PTPRD: variants seen among roughly 807,000 people sequenced by gnomAD.
PTPRD encodes receptor-type tyrosine-protein phosphatase delta.
A neutral mutation model predicts 214.5 loss-of-function variants in PTPRD; 34 were observed. The observed-to-expected ratio is 0.16, with a 90% CI of 0.12 to 0.21. PTPRD has a LOEUF of 0.21. PTPRD is among the 10% of genes least tolerant of loss of function. The pLI is 1.00. For missense variants in PTPRD, 2,545 were observed against 2,398.7 expected (o/e 1.06, Z -1.27); for synonymous variants, 1,128 against 845.7 (o/e 1.33, Z -5.79).
At chr9:9,976,596 C>T (rs1000125664) in intron 4 of PTPRD, among the ~76,000 whole-genome samples, 3 of 145,338 alleles carry the variant, frequency 2.1e-5, no homozygotes, top group Non-Finnish European at 3.0e-5. Context: ...CCATGTTAGC[C>T]AGGCTGGTCT....
intron 3 of PTPRD, among the ~76,000 whole-genome samples, chr9:10,334,092 C>T (rs757870923): frequency 1.3e-5 from 2 of 151,302 alleles, no homozygotes; most frequent in South Asian, 2.1e-4. Flanking sequence ...ATATCAATGA[C>T]CAGGTGCTGA....
intron 5 of PTPRD, among the ~76,000 whole-genome samples, chr9:9,783,017 G>A (rs1470935175): frequency 6.6e-6 from 1 of 151,878 alleles, no homozygotes; most frequent in African/African-American, 2.4e-5. Flanking sequence ...AATCATCATG[G>A]AATTTATTAT....
intron 11 of PTPRD, among the ~76,000 whole-genome samples, chr9:8,910,758 A>G (rs904886632): frequency 1.3e-5 from 2 of 152,258 alleles, no homozygotes; most frequent in Non-Finnish European, 2.9e-5. Context: ...AAATTTATCA[A>G]GATTACGTAA....
intron 5 of PTPRD, among the ~76,000 whole-genome samples, chr9:9,912,051 C>G (rs1445283696): frequency 6.6e-6 from 1 of 152,094 alleles, no homozygotes; most frequent in Admixed American, 6.6e-5. Flanking sequence ...AGTCAATAAT[C>G]TACAGCCTTG....
chr9:8,959,706 C>A (rs573811080), intron 11 of PTPRD, among the ~76,000 whole-genome samples: 4 of 152,038 alleles, frequency 2.6e-5, no homozygotes, highest in Non-Finnish European at 5.9e-5. Context: ...TTGAGTATAT[C>A]CTTTGGAAAG....
At chr9:8,817,621 C>T (rs2096948780) in intron 11 of PTPRD, among the ~76,000 whole-genome samples, 1 of 151,938 alleles carries the variant, frequency 6.6e-6, no homozygotes, top group African/African-American at 2.4e-5. Flanking sequence ...ACACAGCAAG[C>T]CCCTGTCTCT....
chr9:9,164,327 G>A (rs2099897131), intron 10 of PTPRD, among the ~76,000 whole-genome samples: 1 of 152,016 alleles, frequency 6.6e-6, no homozygotes, highest in South Asian at 2.1e-4. Flanking sequence ...TCTGACCTCT[G>A]CTTCTATTTT....
intron 3 of PTPRD, among the ~76,000 whole-genome samples, chr9:10,104,225 G>A (rs1338961460): frequency 3.3e-5 from 5 of 151,702 alleles, no homozygotes; most frequent in Non-Finnish European, 5.9e-5. Flanking sequence ...AAGACAAAAA[G>A]AGTTCTGGAG....
chr9:10,266,188 G>A (rs546835847), intron 3 of PTPRD, among the ~76,000 whole-genome samples: 37 of 151,978 alleles, frequency 2.4e-4, no homozygotes, highest in African/African-American at 7.5e-4. Context: ...AAAAGCACTA[G>A]TTAAGTGTGC....
At chr9:10,068,527 T>G (rs2097926877) in intron 3 of PTPRD, among the ~76,000 whole-genome samples, 1 of 151,950 alleles carries the variant, frequency 6.6e-6, no homozygotes, top group Non-Finnish European at 1.5e-5. Flanking sequence ...TGGGAATATG[T>G]CAGAAATAAC....
chr9:10,208,271 T>C (rs1369662025), intron 3 of PTPRD, among the ~76,000 whole-genome samples: 9 of 152,152 alleles, frequency 5.9e-5, no homozygotes, highest in South Asian at 2.1e-4. Flanking sequence ...TCCCAGCACT[T>C]TGGGTGGCCG....
At chr9:10,558,783 G>C (rs925152777) in intron 2 of PTPRD, among the ~76,000 whole-genome samples, 1 of 152,048 alleles carries the variant, frequency 6.6e-6, no homozygotes, top group Non-Finnish European at 1.5e-5. Flanking sequence ...CACTCAATGA[G>C]AATTTTGTAA....
intron 7 of PTPRD, among the ~76,000 whole-genome samples, chr9:9,651,489 G>A (rs915619424): frequency 6.6e-6 from 1 of 152,134 alleles, no homozygotes; most frequent in Admixed American, 6.6e-5. Context: ...GCGAGAACAT[G>A]TGGTATTTGG....
At chr9:8,484,013 A>T (rs930714594) in intron 30 of PTPRD, 106 bp downstream of exon 30, 10 of 1,388,476 alleles carry the variant, frequency 7.2e-6, no homozygotes, top group Admixed American at 4.5e-5. Flanking sequence ...AGAATCTTTC[A>T]CTACATTAAG....
At chr9:9,087,600 T>C (rs1392811662) in intron 10 of PTPRD, among the ~76,000 whole-genome samples, 2 of 152,112 alleles carry the variant, frequency 1.3e-5, no homozygotes, top group African/African-American at 4.8e-5. Context: ...CCAGATAAGT[T>C]ACTTACATTG....
At chr9:9,466,901 G>A (rs2094201962) in intron 8 of PTPRD, among the ~76,000 whole-genome samples, 1 of 152,018 alleles carries the variant, frequency 6.6e-6, no homozygotes, top group Non-Finnish European at 1.5e-5. Flanking sequence ...GTAAGTTTGA[G>A]TTAGCTTGTC....
At chr9:8,857,438 C>T (rs997992821) in intron 11 of PTPRD, among the ~76,000 whole-genome samples, 1 of 152,148 alleles carries the variant, frequency 6.6e-6, no homozygotes, top group African/African-American at 2.4e-5. Flanking sequence ...GAAGTGAACC[C>T]AGCAGGAGAG....
In PTPRD at chr9:9,824,892, A is replaced by G. The variant is rs367787232; in HGVS notation, c.-367-58041T>C. 1.1e-4 allele frequency among the ~76,000 whole-genome samples: 17 copies of G among 152,126 alleles called. 1 individual carries two copies. The South Asian group carries it at 3.5e-3, about 31-fold the overall frequency. On this transcript the variant is annotated intron_variant, in intron 5 of 45. Coordinates refer to ENST00000381196, the MANE Select transcript of PTPRD (RefSeq NM_002839.4). Reference sequence around the variant, plus strand: ...AGGCACAAAAATGAAAGGCCCAGATAAAACTGTGAATTAAGACAAAGCATA... The same window carrying G: ...AGGCACAAAAATGAAAGGCCCAGATGAAACTGTGAATTAAGACAAAGCATA...
chr9:10,168,015 G>A lies in PTPRD; in HGVS notation c.-544-134225C>T, dbSNP rs150756465. On this transcript the variant is annotated intron_variant, in intron 3 of 45. Coordinates refer to ENST00000381196, the MANE Select transcript of PTPRD (RefSeq NM_002839.4). ...TGTACCTCAGTGACCATTATCCTTG[G>A]AAGTGAGGGTAGGAAGTGAAAGGAG... Among the ~76,000 whole-genome samples the A allele has an allele frequency of 7.4e-3, 1,127 of 152,306 alleles. 13 individuals are homozygous for A. The highest frequency in any genetic ancestry group is 0.025 in the African/African-American group (1,026 of 41,568).
Sources: gnomAD v4.1 joint callset for allele counts (sites outside exome capture counted in the v4.1 genomes callset) on GRCh38, gnomAD v4.1.1 for gene constraint, MANE v1.5 for transcripts, NCBI Gene and HGNC (gene_info 2026-07-23, HGNC 2026-07-21) for gene names.